The following TMEM117 variants were observed in gnomAD, a reference collection of about 807,000 sequenced individuals.
TMEM117 encodes the protein transmembrane protein 117.
In TMEM117, 27 loss-of-function variants were observed where a neutral mutation model predicts 52.4. The ratio of observed to expected loss-of-function variants is 0.51; its 90% confidence interval spans 0.38 to 0.71. TMEM117 has a LOEUF of 0.71. Among genes scored for constraint, TMEM117 ranks in the 30% least tolerant of loss-of-function variants. TMEM117 has a pLI of 0.00. For synonymous variants in TMEM117, 215 were observed against 206.3 expected (o/e 1.04, Z -0.36); for missense variants, 556 against 630.5 (o/e 0.88, Z 1.26).
At chr12:44,255,787 A>G (rs185405490) in intron 5 of TMEM117, among the ~76,000 whole-genome samples, 14 of 152,230 alleles carry the variant, frequency 9.2e-5, no homozygotes, top group African/African-American at 3.4e-4. Context: ...TACTGGAGGG[A>G]TAATTTCATT....
At position 44,211,312 on chromosome 12, in the gene TMEM117, A is replaced by G; in HGVS notation, c.533A>G (p.Asp178Gly). ...AWMVTDMMLQ[D>G]KPYPDWGKSA... ...CAGGTCACTGATATGATGCTTCAGG[A>G]CAAACCCTATCCTGACTGGGGAAAA... is the stretch of plus-strand genomic sequence containing the variant. The change falls in exon 5 of 8, where the codon GAC (aspartate) becomes GGC (glycine). Residue 178 changes from aspartate (D) to glycine (G), a missense_variant. Asp to Gly is a moderately conservative substitution (Grantham distance 94). Transcript: ENST00000266534. 4 of 1,612,510 alleles carry G rather than the reference A, an allele frequency of 2.5e-6. No individual in the cohort carries two copies. Among genetic ancestry groups the G allele is most frequent in the Non-Finnish European group, 3.4e-6 (4 of 1,179,236 alleles).
chr12:44,075,263 A>G (rs1947363956), intron 3 of TMEM117, among the ~76,000 whole-genome samples: 1 of 152,222 alleles, frequency 6.6e-6, no homozygotes, highest in South Asian at 2.1e-4. Flanking sequence ...CTTCAAATCT[A>G]GGAGCTGGAA....
chr12:44,322,843 T>C (rs2138703898), intron 6 of TMEM117, among the ~76,000 whole-genome samples: 1 of 152,158 alleles, frequency 6.6e-6, no homozygotes, highest in East Asian at 1.9e-4. Context: ...AAAAAGATAC[T>C]CATACCCTAC....
chr12:44,106,385 T>C (rs1441483097), intron 3 of TMEM117, among the ~76,000 whole-genome samples: 1 of 152,036 alleles, frequency 6.6e-6, no homozygotes, highest in Non-Finnish European at 1.5e-5. Context: ...GAATCTAAAA[T>C]TTAAAAAAAT....
chr12:43,951,415 C>G (rs1047261482), intron 3 of TMEM117, among the ~76,000 whole-genome samples: 3 of 152,190 alleles, frequency 2.0e-5, no homozygotes, highest in Non-Finnish European at 4.4e-5. Flanking sequence ...ATTACCAGCA[C>G]AGCAGTCTCG....
chr12:44,226,935 T>C (rs1949869450), intron 5 of TMEM117, among the ~76,000 whole-genome samples: 1 of 152,086 alleles, frequency 6.6e-6, no homozygotes, highest in Non-Finnish European at 1.5e-5. Flanking sequence ...ATGTGTAATA[T>C]AAATACAATA....
chr12:43,944,106 C>A, intron 2 of TMEM117, 104 bp from the exon 3 acceptor site: 1 of 1,047,418 alleles, frequency 9.5e-7, no homozygotes, highest in Non-Finnish European at 1.4e-6. Flanking sequence ...ATGGCAAAGA[C>A]TTCAGAATAT....
chr12:44,346,145 A>G (rs1408584167), intron 6 of TMEM117, among the ~76,000 whole-genome samples: 1 of 152,100 alleles, frequency 6.6e-6, no homozygotes, highest in Non-Finnish European at 1.5e-5. Context: ...TTTCAGTCTA[A>G]GTCTTAGCTG....
chr12:44,020,325 T>C (rs1946437328), intron 3 of TMEM117, among the ~76,000 whole-genome samples: 1 of 152,202 alleles, frequency 6.6e-6, no homozygotes, highest in African/African-American at 2.4e-5. Context: ...AAGTACTACA[T>C]GGGGCAGTGG....
At chr12:43,999,927 A>G (rs1946090136) in intron 3 of TMEM117, among the ~76,000 whole-genome samples, 1 of 152,176 alleles carries the variant, frequency 6.6e-6, no homozygotes, top group Admixed American at 6.5e-5. Context: ...AATGAAAGGA[A>G]TTTTCTTATA....
the TMEM117 span, among the ~76,000 whole-genome samples, chr12:44,398,533 C>CG: frequency 6.6e-6 from 1 of 152,154 alleles, no homozygotes; most frequent in African/African-American, 2.4e-5. Context: ...GGACTGCAGA[C>CG]AAGAGACCAG....
At chr12:44,294,446 C>T (rs1950742959) in intron 5 of TMEM117, among the ~76,000 whole-genome samples, 1 of 152,204 alleles carries the variant, frequency 6.6e-6, no homozygotes, top group Non-Finnish European at 1.5e-5. Flanking sequence ...ATAACTTCTG[C>T]AGTCTGAAGT....
intron 2 of TMEM117, among the ~76,000 whole-genome samples, chr12:43,934,513 T>C (rs1944919998): frequency 6.6e-6 from 1 of 152,226 alleles, no homozygotes. Context: ...ACTTTTGAAA[T>C]TGACATTAAC....
chr12:44,297,409 G>C (rs1344780437), intron 5 of TMEM117, among the ~76,000 whole-genome samples: 1 of 152,150 alleles, frequency 6.6e-6, no homozygotes, highest in Non-Finnish European at 1.5e-5. Flanking sequence ...TTAGAGTGAG[G>C]TACTAGAGTA....
At chr12:44,105,577 G>A (rs190327152) in intron 3 of TMEM117, among the ~76,000 whole-genome samples, 24 of 152,104 alleles carry the variant, frequency 1.6e-4, no homozygotes, top group Non-Finnish European at 2.6e-4. Context: ...TACTAATGTG[G>A]TAGTAAGGTG....
rs1295690874 is a variant in TMEM117, at chr12:44,273,022, C to A, written c.609-26558C>A. Among the ~76,000 whole-genome samples the A allele has an allele frequency of 7.2e-5, 11 of 152,212 alleles. No homozygotes were observed. In the East Asian group the frequency reaches 1.7e-3, roughly 24 times the overall value. On this transcript the variant is annotated intron_variant, in intron 5 of 7. Coordinates refer to ENST00000266534, the MANE Select transcript of TMEM117 (RefSeq NM_032256.3). ...TTAAGAAAATGTGGCACATATACACCATGGAATACTATGCAGCCATAAAAA... is the reference window on the plus strand; with the variant it reads ...TTAAGAAAATGTGGCACATATACACAATGGAATACTATGCAGCCATAAAAA...
intron 4 of TMEM117, among the ~76,000 whole-genome samples, chr12:44,176,308 C>T (rs1488611866): frequency 6.6e-6 from 1 of 152,134 alleles, no homozygotes; most frequent in Non-Finnish European, 1.5e-5. Context: ...TAGAATGGTG[C>T]TTGGCACATA....
intron 3 of TMEM117, among the ~76,000 whole-genome samples, chr12:44,062,858 G>A (rs1947160691): frequency 6.6e-6 from 1 of 152,236 alleles, no homozygotes. Context: ...TCACTGAAAT[G>A]GAAAGGATGT....
At chr12:44,288,153 C>T (rs1382696766) in intron 5 of TMEM117, among the ~76,000 whole-genome samples, 14 of 150,976 alleles carry the variant, frequency 9.3e-5, no homozygotes, top group Admixed American at 9.2e-4. Context: ...AAACAAATGG[C>T]ATGCAATACA....
Sources: allele counts gnomAD v4.1 joint callset (sites outside exome capture counted in the v4.1 genomes callset), GRCh38; gene constraint gnomAD v4.1.1; transcripts MANE v1.5; gene names NCBI Gene and HGNC (gene_info 2026-07-23, HGNC 2026-07-21).